Variants in CREB5 observed in about 807,000 individuals in gnomAD.
CREB5 encodes cAMP responsive element binding protein 5, also known as cyclic AMP-responsive element-binding protein 5.
In CREB5, 19 loss-of-function variants were observed where a neutral mutation model predicts 57.1. The observed-to-expected ratio is 0.33, with a 90% CI of 0.23 to 0.49. The LOEUF is 0.49. Ranked by LOEUF, CREB5 falls within the 20% of genes least tolerant of loss-of-function variation. The pLI is 0.99. For missense variants in CREB5, 579 were observed against 671.6 expected, an observed-to-expected ratio of 0.86 and a Z score of 1.52; for synonymous variants, 238 against 238.3, an observed-to-expected ratio of 1.00 and a Z score of 0.01.
chr7:28,521,601 C>T lies in CREB5; in HGVS notation c.291+13864C>T, dbSNP rs552359294. On this transcript the variant is annotated intron_variant, in intron 4 of 10. Coordinates refer to ENST00000357727, the MANE Select transcript of CREB5 (RefSeq NM_182898.4). ...GCATGATTTATTGTTTATTTATAAC[C>T]CTTCTACTGCTTCAATCCCTGTATT... 9.7e-4 allele frequency among the ~76,000 whole-genome samples: 147 copies of T among 152,246 alleles called. 2 individuals carry two copies. The highest frequency in any genetic ancestry group is 8.5e-4 in the Admixed American group (13 of 15,286).
At chr7:28,560,797 AGT>A (rs200415879) in intron 4 of CREB5, among the ~76,000 whole-genome samples, 2 of 86,604 alleles carry the variant, frequency 2.3e-5, no homozygotes, top group Non-Finnish European at 4.9e-5. Flanking sequence ...CTGCTTCCAC[AGT>A]GTGTGTGCGC....
chr7:28,761,724 A>G lies in CREB5; in HGVS notation c.702+37392A>G, dbSNP rs569275747. ...GTAATCACTTTAAATGATGTGAGGG[A>G]TGTGTGTGTGTGTGTGTGTGTGTGT... On this transcript the variant is annotated intron_variant, in intron 7 of 10. Transcript: ENST00000357727. 1.4e-3 allele frequency among the ~76,000 whole-genome samples: 203 copies of G among 146,150 alleles called. 1 individual carries two copies. Among genetic ancestry groups the G allele is most frequent in the African/African-American group, 4.8e-3 (193 of 39,928 alleles).
At chr7:28,451,344 T>C (rs562351214) in intron 1 of CREB5, among the ~76,000 whole-genome samples, 1 of 152,280 alleles carries the variant, frequency 6.6e-6, no homozygotes, top group African/African-American at 2.4e-5. Flanking sequence ...TGCAAGTCTT[T>C]CTGTGGTTTG....
chr7:28,737,577 ATATATAT>A (rs1562606844), intron 7 of CREB5, among the ~76,000 whole-genome samples: 702 of 29,854 alleles, frequency 0.024, 15 homozygotes, highest in South Asian at 0.069. Flanking sequence ...ATATATATAT[ATATATAT>A]ATATTTTTAA....
At chr7:28,725,675 G>GAAAGA (rs1803300326) in intron 7 of CREB5, among the ~76,000 whole-genome samples, 1 of 146,926 alleles carries the variant, frequency 6.8e-6, no homozygotes, top group Non-Finnish European at 1.5e-5. Flanking sequence ...AAGAAAGAAA[G>GAAAGA]AAAGAAAAGA....
intron 1 of CREB5, among the ~76,000 whole-genome samples, chr7:28,333,205 A>C (rs569866059): frequency 6.6e-6 from 1 of 152,268 alleles, no homozygotes; most frequent in Non-Finnish European, 1.5e-5. Context: ...AACCTTCAGC[A>C]TGGTCTTTTT....
upstream of CREB5, among the ~76,000 whole-genome samples, chr7:28,407,758 T>TA (rs559191791): frequency 1.2e-4 from 18 of 152,208 alleles, no homozygotes; most frequent in South Asian, 3.7e-3. Context: ...CTTAAACACT[T>TA]AAAAACAGAA....
intron 5 of CREB5, among the ~76,000 whole-genome samples, chr7:28,611,850 C>T (rs1254159864): frequency 6.6e-6 from 1 of 151,974 alleles, no homozygotes; most frequent in Admixed American, 6.6e-5. Flanking sequence ...TGCCAAATCT[C>T]ATAGAACTGT....
At chr7:28,536,561 C>T (rs558903635) in intron 4 of CREB5, among the ~76,000 whole-genome samples, 8 of 152,312 alleles carry the variant, frequency 5.3e-5, no homozygotes, top group East Asian at 1.9e-4. Flanking sequence ...GCCTGGCCAG[C>T]CTGGGGCTTG....
chr7:28,754,390 G>C (rs924088607), intron 7 of CREB5, among the ~76,000 whole-genome samples: 7 of 152,324 alleles, frequency 4.6e-5, no homozygotes, highest in Admixed American at 2.0e-4. Context: ...CATGTGGCCA[G>C]AACCTCAGCA....
At chr7:28,762,871 C>T (rs1805743303) in intron 7 of CREB5, among the ~76,000 whole-genome samples, 1 of 152,058 alleles carries the variant, frequency 6.6e-6, no homozygotes, top group Non-Finnish European at 1.5e-5. Flanking sequence ...AAACACATAA[C>T]AAATCCATTA....
chr7:28,317,224 GT>G (rs1221525634), intron 1 of CREB5, among the ~76,000 whole-genome samples: 1 of 152,082 alleles, frequency 6.6e-6, no homozygotes, highest in Non-Finnish European at 1.5e-5. Context: ...GAAAAGGAGG[GT>G]TCAGATTACC....
At chr7:28,386,566 T>A (rs933113126) in intron 1 of CREB5, among the ~76,000 whole-genome samples, 4 of 152,176 alleles carry the variant, frequency 2.6e-5, no homozygotes, top group African/African-American at 9.7e-5. Flanking sequence ...AGTATTATCT[T>A]TCATCTATTC....
intron 1 of CREB5, among the ~76,000 whole-genome samples, chr7:28,486,313 G>A (rs1189108389): frequency 6.6e-6 from 1 of 151,990 alleles, no homozygotes; most frequent in Admixed American, 6.6e-5. Context: ...GTTTGTGGGG[G>A]AAAGCTGTGA....
chr7:28,586,966 A>C (rs527364262), intron 5 of CREB5, among the ~76,000 whole-genome samples: 100 of 152,340 alleles, frequency 6.6e-4, no homozygotes, highest in Non-Finnish European at 1.0e-3. Context: ...GATGGCAAAA[A>C]TCCAGACCCA....
Position 28,560,849 on chromosome 7 carries a change from T to TGTGTGC in CREB5, c.292-9511_292-9510insCGTGTG, listed in dbSNP as rs1562797146. On this transcript the variant is annotated intron_variant, in intron 4 of 10. Coordinates refer to ENST00000357727, the MANE Select transcript of CREB5 (RefSeq NM_182898.4). Reference sequence around the variant, plus strand: ...GCGCGCGCGCGTGTGTGTGTGCGCGTGTGTGTGTGCGTGTGCCTGCGTGCG... The same window carrying TGTGTGC: ...GCGCGCGCGCGTGTGTGTGTGCGCGTGTGTGCGTGTGTGTGCGTGTGCCTGCGTGCG... Among the ~76,000 whole-genome samples the TGTGTGC allele has an allele frequency of 7.6e-3, 666 of 87,124 alleles. 66 individuals are homozygous for TGTGTGC. Among genetic ancestry groups the TGTGTGC allele is most frequent in the African/African-American group, 0.035 (633 of 18,278 alleles). The allele number at this position is 87,124 out of a possible 152,430, so 57.2% of individuals were successfully genotyped here. A position where few individuals can be genotyped will look rare whatever the true frequency, so the allele number is the denominator to read the frequency against.
At chr7:28,499,734 C>A (rs757678981) in intron 3 of CREB5, among the ~76,000 whole-genome samples, 1 of 152,164 alleles carries the variant, frequency 6.6e-6, no homozygotes, top group Non-Finnish European at 1.5e-5. Context: ...CAGGCGTGCA[C>A]CACCACACTC....
chr7:28,445,756 T>G (rs1161067932), intron 1 of CREB5, among the ~76,000 whole-genome samples: 1 of 151,830 alleles, frequency 6.6e-6, no homozygotes, highest in East Asian at 2.0e-4. Context: ...TTTCACTGTG[T>G]TAGCCAGGAT....
At chr7:28,308,787 C>T (rs905335130) in intron 1 of CREB5, among the ~76,000 whole-genome samples, 8 of 152,176 alleles carry the variant, frequency 5.3e-5, no homozygotes, top group Admixed American at 1.3e-4. Flanking sequence ...CTTCCGGTTT[C>T]GGCAATGAGT....
Sources: gnomAD v4.1 joint callset for allele counts (sites outside exome capture counted in the v4.1 genomes callset) on GRCh38, gnomAD v4.1.1 for gene constraint, MANE v1.5 for transcripts, NCBI Gene and HGNC (gene_info 2026-07-23, HGNC 2026-07-21) for gene names.